The following CDH4 variants were observed in gnomAD, a reference collection of about 807,000 sequenced individuals.
The protein encoded by CDH4 is cadherin-4.
A neutral mutation model predicts 86.0 loss-of-function variants in CDH4; 33 were observed. That is an observed-to-expected ratio of 0.38 (90% CI 0.29 to 0.51). CDH4 has a LOEUF of 0.51. CDH4 is among the 20% of genes least tolerant of loss of function. The probability of loss-of-function intolerance (pLI) is 0.86; values close to 1 mark genes in which losing one functional copy is unlikely to be tolerated. For missense variants in CDH4, 1,114 were observed against 1,307.4 expected (o/e 0.85, Z 2.28); for synonymous variants, 555 against 549.4 (o/e 1.01, Z -0.14).
chr20:61,631,366 G>A (rs1296663800), intron 2 of CDH4, among the ~76,000 whole-genome samples: 1 of 152,214 alleles, frequency 6.6e-6, no homozygotes, highest in African/African-American at 2.4e-5. Context: ...GCCATGGCTG[G>A]GTGCAGTGGC....
chr20:61,491,517 A>G (rs867307891), intron 2 of CDH4, among the ~76,000 whole-genome samples: 6 of 152,252 alleles, frequency 3.9e-5, no homozygotes, highest in African/African-American at 1.4e-4. Context: ...GAGAGTTTAC[A>G]TAATGGAAAG....
Position 61,844,831 on chromosome 20 carries a change from T to G in CDH4, c.732+8T>G. The stretch of plus-strand genomic sequence containing the variant: ...GAGCACGCCTCTTACCACGTGAGTG[T>G]CCACACCCGGCTGAGAATGGGGCCC... On this transcript the variant is annotated splice_region_variant and intron_variant, in intron 5 of 15. Transcript: ENST00000614565. 1 of 1,606,784 alleles carries G rather than the reference T, an allele frequency of 6.2e-7. No homozygotes were observed. Among genetic ancestry groups the G allele is most frequent in the Non-Finnish European group, 8.5e-7 (1 of 1,175,188 alleles).
At chr20:61,675,357 T>C (rs879905211) in intron 2 of CDH4, among the ~76,000 whole-genome samples, 5 of 53,610 alleles carry the variant, frequency 9.3e-5, no homozygotes, top group Non-Finnish European at 1.1e-4. Flanking sequence ...ACAACCATCG[T>C]AGGGGCTGAG....
At chr20:61,319,230 CATT>C (rs765073547) in intron 2 of CDH4, among the ~76,000 whole-genome samples, 1 of 151,784 alleles carries the variant, frequency 6.6e-6, no homozygotes. Flanking sequence ...TAAGCAGGTG[CATT>C]ATTATCCCCA....
intron 4 of CDH4, among the ~76,000 whole-genome samples, chr20:61,835,357 G>T (rs1186543813): frequency 6.6e-6 from 1 of 152,168 alleles, no homozygotes; most frequent in South Asian, 2.1e-4. Flanking sequence ...GAGCCACCGT[G>T]CTGGCCAGTG....
chr20:61,770,520 G>A (rs1055885477), intron 3 of CDH4, among the ~76,000 whole-genome samples: 54 of 152,246 alleles, frequency 3.5e-4, no homozygotes, highest in African/African-American at 1.2e-3. Flanking sequence ...ACGCATGGAC[G>A]CCGCATATAC....
chr20:61,497,388 A>G (rs921607242), intron 2 of CDH4, among the ~76,000 whole-genome samples: 1 of 152,178 alleles, frequency 6.6e-6, no homozygotes. Context: ...TCTCTGCACT[A>G]TGTTTCAGGG....
rs80221427 is a variant in CDH4 at position 61,790,050 on chromosome 20, C to G, written c.576+16868C>G. On this transcript the variant is annotated intron_variant, in intron 4 of 15. Coordinates refer to ENST00000614565, the MANE Select transcript of CDH4 (RefSeq NM_001794.5). ...CTATTACATTAGGTTAGTGTCCATCCACCCTTCCAACCATACACCCATCCA... is the reference window on the plus strand; with the variant it reads ...CTATTACATTAGGTTAGTGTCCATCGACCCTTCCAACCATACACCCATCCA... Among the ~76,000 whole-genome samples, 1,415 of 152,222 alleles carry G rather than the reference C, an allele frequency of 9.3e-3. 19 individuals carry two copies. Among genetic ancestry groups the G allele is most frequent in the African/African-American group, 0.032 (1,346 of 41,524 alleles).
At chr20:61,270,185 G>A (rs371504174) in intron 2 of CDH4, among the ~76,000 whole-genome samples, 4 of 152,332 alleles carry the variant, frequency 2.6e-5, no homozygotes, top group South Asian at 2.1e-4. Context: ...GGCAGTGAAC[G>A]TAAGTTACCG....
At chr20:61,531,584 G>A (rs1045143878) in intron 2 of CDH4, among the ~76,000 whole-genome samples, 4 of 152,140 alleles carry the variant, frequency 2.6e-5, no homozygotes, top group Admixed American at 2.6e-4. Context: ...ATGAGGATGT[G>A]TGTTGTAAAA....
intron 2 of CDH4, among the ~76,000 whole-genome samples, chr20:61,455,479 A>G (rs1003345987): frequency 2.0e-5 from 3 of 152,242 alleles, no homozygotes; most frequent in African/African-American, 7.2e-5. Flanking sequence ...GCATATGGCA[A>G]TCGCACTCCT....
At chr20:61,551,845 A>AT (rs1359469829) in intron 2 of CDH4, among the ~76,000 whole-genome samples, 1 of 152,232 alleles carries the variant, frequency 6.6e-6, no homozygotes, top group Non-Finnish European at 1.5e-5. Flanking sequence ...TGGCCAGTTG[A>AT]TTTTTTGACA....
chr20:61,393,643 G>A lies in CDH4; in HGVS notation c.169+138706G>A, dbSNP rs1300932382. ...AGTAACAGAGACCCAAAGCATAGTGGTTGCAGCGAGGATCATCGAAGTAGA... is the reference window on the plus strand; with the variant it reads ...AGTAACAGAGACCCAAAGCATAGTGATTGCAGCGAGGATCATCGAAGTAGA... On this transcript the variant is annotated intron_variant, in intron 2 of 15. Transcript: ENST00000614565. This position sits in a 1 kb window ranked among gnomAD's most constrained non-coding sequence, Gnocchi z 4.3. Among the ~76,000 whole-genome samples, 1 of 152,142 alleles carries A rather than the reference G, an allele frequency of 6.6e-6. No individual in the cohort carries two copies. Among genetic ancestry groups the A allele is most frequent in the Non-Finnish European group, 1.5e-5 (1 of 68,034 alleles).
chr20:61,771,809 A>G (rs1209117101), intron 3 of CDH4, among the ~76,000 whole-genome samples: 2 of 152,214 alleles, frequency 1.3e-5, no homozygotes, highest in Non-Finnish European at 2.9e-5. Flanking sequence ...ACTGTCAGAC[A>G]TTCAGATTTG....
chr20:61,258,255 A>G (rs962063662), intron 2 of CDH4, among the ~76,000 whole-genome samples: 36 of 133,790 alleles, frequency 2.7e-4, no homozygotes, highest in African/African-American at 9.1e-4. Context: ...GCATGAAACC[A>G]GGAGGCGGAG....
chr20:61,575,806 A>G (rs759518531), intron 2 of CDH4, among the ~76,000 whole-genome samples: 28 of 152,234 alleles, frequency 1.8e-4, no homozygotes, highest in Non-Finnish European at 3.4e-4. Context: ...GCAGCATATG[A>G]TAAAAGAAAT....
At chr20:61,388,974 TTC>T (rs1488234039) in intron 2 of CDH4, among the ~76,000 whole-genome samples, 1 of 152,278 alleles carries the variant, frequency 6.6e-6, no homozygotes, top group Non-Finnish European at 1.5e-5. Flanking sequence ...ATTTGAATTT[TTC>T]TCTCCTTAGG....
At chr20:61,758,018 C>T (rs577374171) in intron 3 of CDH4, among the ~76,000 whole-genome samples, 10 of 152,320 alleles carry the variant, frequency 6.6e-5, no homozygotes, top group South Asian at 2.1e-4. Flanking sequence ...CGACAGAGGA[C>T]GCTGCAATGT....
chr20:61,863,408 T>G (rs1468535585), intron 6 of CDH4, among the ~76,000 whole-genome samples: 1 of 152,124 alleles, frequency 6.6e-6, no homozygotes, highest in African/African-American at 2.4e-5. Context: ...ATGGTTTCCT[T>G]CTCATTCTCA....
Sources: allele counts gnomAD v4.1 joint callset (sites outside exome capture counted in the v4.1 genomes callset), GRCh38; gene constraint gnomAD v4.1.1; non-coding constraint Gnocchi (gnomAD v3.1); transcripts MANE v1.5; gene names NCBI Gene and HGNC (gene_info 2026-07-23, HGNC 2026-07-21).